WDR1: variants seen among roughly 807,000 people sequenced by gnomAD.
WDR1 encodes WD repeat-containing protein 1.
In WDR1, 21 loss-of-function variants were observed where a neutral mutation model predicts 71.9. The observed-to-expected ratio is 0.29, with a 90% CI of 0.21 to 0.42. The LOEUF (loss-of-function observed/expected upper bound fraction) is 0.42. Ranked by LOEUF, WDR1 falls within the 10% of genes least tolerant of loss-of-function variation. The pLI is 1.00. For missense variants in WDR1, 696 were observed against 824.5 expected (o/e 0.84, Z 1.91); for synonymous variants, 424 against 347.4 (o/e 1.22, Z -2.45).
At chr4:10,099,664 C>T (rs943750700) in intron 3 of WDR1, among the ~76,000 whole-genome samples, 1 of 152,218 alleles carries the variant, frequency 6.6e-6, no homozygotes, top group African/African-American at 2.4e-5. Flanking sequence ...CTGCCCACTG[C>T]GATGCCTCAG....
intron 9 of WDR1, chr4:10,083,725 G>A (rs1301883649): frequency 4.4e-6 from 2 of 456,966 alleles, no homozygotes; most frequent in African/African-American, 2.0e-5. Context: ...TCCCTGCCCA[G>A]GCACTCTGCA....
At chr4:10,085,802 C>T (rs977993469) in intron 8 of WDR1, among the ~76,000 whole-genome samples, 1 of 152,054 alleles carries the variant, frequency 6.6e-6, no homozygotes, top group African/African-American at 2.4e-5. Flanking sequence ...CTGATACCTG[C>T]TGCTCCATCC....
chr4:10,101,349 A>C (rs1284072683), intron 3 of WDR1, among the ~76,000 whole-genome samples: 1 of 152,272 alleles, frequency 6.6e-6, no homozygotes, highest in Non-Finnish European at 1.5e-5. Flanking sequence ...GCTGCCAGGC[A>C]ACCCACTTAG....
chr4:10,116,030 G>T lies in WDR1; in HGVS notation c.138+83C>A, dbSNP rs78299229. On this transcript the variant is annotated intron_variant, in intron 2 of 14. Transcript: ENST00000499869. ...ACCCTCCCCGGGCCAATGGGCAGGA[G>T]GTGAGAAGTGGAGAGGAAGGCGAAT... The T allele has an allele frequency of 1.7e-3, 2,590 of 1,537,682 alleles. 36 individuals carry two copies. The African/African-American group carries it at 0.03, about 18-fold the overall frequency.
intron 14 of WDR1, 191 bp from the exon 15 acceptor site, chr4:10,075,675 C>T (rs1173170548): frequency 1.6e-6 from 1 of 607,614 alleles, no homozygotes; most frequent in Non-Finnish European, 2.9e-6. Flanking sequence ...CTCCTGAACC[C>T]CGGGGCCGGG....
intron 3 of WDR1, 45 bp from the exon 4 acceptor site, chr4:10,099,184 G>GGGT: frequency 1.8e-5 from 8 of 450,124 alleles, no homozygotes; most frequent in East Asian, 1.1e-4. Flanking sequence ...CGGTGGTGGG[G>GGGT]TAAAGGGCAG....
At chr4:10,077,123 G>C (rs957447957) in intron 14 of WDR1, 181 bp downstream of exon 14, 2 of 896,926 alleles carry the variant, frequency 2.2e-6, no homozygotes, top group Middle Eastern at 3.5e-4. Flanking sequence ...CCCTCAGTAC[G>C]GCCAGCAGCG....
chr4:10,077,211 C>T (rs2109631621), intron 14 of WDR1, 93 bp downstream of exon 14: 1 of 1,526,302 alleles, frequency 6.6e-7, no homozygotes, highest in South Asian at 1.2e-5. Context: ...GCTACTTAGC[C>T]CTGGGGACTG....
intron 8 of WDR1, among the ~76,000 whole-genome samples, chr4:10,085,458 ACT>A (rs985787126): frequency 6.6e-6 from 1 of 152,100 alleles, no homozygotes; most frequent in Non-Finnish European, 1.5e-5. Flanking sequence ...AGTAAGAGAC[ACT>A]GAGCTGGGCG....
intron 2 of WDR1, chr4:10,115,827 T>C (rs567603585): frequency 5.3e-6 from 2 of 379,212 alleles, no homozygotes; most frequent in South Asian, 3.1e-5. Flanking sequence ...GGCCTGACCG[T>C]GCTTAGCTTC....
intron 3 of WDR1, among the ~76,000 whole-genome samples, chr4:10,099,525 C>G (rs929727324): frequency 3.9e-5 from 6 of 152,222 alleles, no homozygotes; most frequent in African/African-American, 1.4e-4. Context: ...CTTGTAGGGG[C>G]ATCAGAATGA....
In WDR1 at chr4:10,114,121, A is replaced by T. The variant is rs1168706616; in HGVS notation, c.138+1992T>A. The stretch of plus-strand genomic sequence containing the variant: ...AGTACCCAGTCCACCCATCCAACTA[A>T]CAAGAGACTCAGTGCCTGATCTACA... On this transcript the variant is annotated intron_variant, in intron 2 of 14. Transcript: ENST00000499869. 2.0e-5 allele frequency among the ~76,000 whole-genome samples: 3 copies of T among 152,116 alleles called. No homozygotes were observed. In the South Asian group the frequency reaches 6.2e-4, roughly 32 times the overall value.
intron 10 of WDR1, among the ~76,000 whole-genome samples, chr4:10,081,766 C>G (rs1403607346): frequency 6.6e-6 from 1 of 151,884 alleles, no homozygotes; most frequent in East Asian, 1.9e-4. Flanking sequence ...TTTTGTCCCC[C>G]TGTCTGTTGG....
chr4:10,104,104 C>T (rs1027965378), intron 2 of WDR1, 118 bp from the exon 3 acceptor site: 13 of 1,119,460 alleles, frequency 1.2e-5, no homozygotes, highest in Middle Eastern at 2.0e-4. Flanking sequence ...AAGCTAAAAC[C>T]GTGAAGAAAA....
At chr4:10,083,609 G>A (rs1327087706) in intron 9 of WDR1, 2 of 485,192 alleles carry the variant, frequency 4.1e-6, no homozygotes, top group Non-Finnish European at 8.2e-6. Context: ...AGCACATGCG[G>A]ACCAGAGCTG....
intron 5 of WDR1, among the ~76,000 whole-genome samples, chr4:10,090,513 T>C (rs1711898401): frequency 6.6e-6 from 1 of 151,984 alleles, no homozygotes; most frequent in African/African-American, 2.4e-5. Flanking sequence ...GGCCCAAGAG[T>C]GATGCGACCC....
intron 2 of WDR1, among the ~76,000 whole-genome samples, chr4:10,115,228 T>C (rs12501855): frequency 0.16 from 24,719 of 152,144 alleles, 2,577 homozygotes; most frequent in Middle Eastern, 0.23. Flanking sequence ...TCACTCAGGC[T>C]GAGGAAGGGA....
chr4:10,083,315 G>A (rs1765087512), intron 9 of WDR1, 137 bp from the exon 10 acceptor site: 20 of 1,138,562 alleles, frequency 1.8e-5, no homozygotes, highest in South Asian at 3.0e-5. Context: ...CCCCTGGGAA[G>A]CCTGCAGTGT....
rs117670209 is a variant in WDR1, at chr4:10,092,756, G to A, written c.559-4015C>T. On this transcript the variant is annotated intron_variant, in intron 5 of 14. Coordinates refer to ENST00000499869, the MANE Select transcript of WDR1 (RefSeq NM_017491.5). ...AATAGCCCTTTCCACACGGAGGCCCGGCCAGTGAACAAAGAGGGAGAGGGA... is the reference window on the plus strand; with the variant it reads ...AATAGCCCTTTCCACACGGAGGCCCAGCCAGTGAACAAAGAGGGAGAGGGA... 1,932 of 269,826 alleles carry A rather than the reference G, an allele frequency of 7.2e-3. 54 individuals carry two copies. The highest frequency in any genetic ancestry group is 0.07 in the East Asian group (721 of 10,288). The allele number at this position is 269,826 out of a possible 1,614,324, so 16.7% of individuals were successfully genotyped here.
Sources: allele counts gnomAD v4.1 joint callset (sites outside exome capture counted in the v4.1 genomes callset), GRCh38; gene constraint gnomAD v4.1.1; transcripts MANE v1.5; gene names NCBI Gene and HGNC (gene_info 2026-07-23, HGNC 2026-07-21).